Variants in NCKAP5L observed in about 807,000 individuals in gnomAD.
NCKAP5L encodes the protein NCK associated protein 5 like.
In NCKAP5L, 54 loss-of-function variants were observed where a neutral mutation model predicts 103.2. That is an observed-to-expected ratio of 0.52 (90% CI 0.42 to 0.66). NCKAP5L has a LOEUF of 0.66. Among genes scored for constraint, NCKAP5L ranks in the 30% least tolerant of loss-of-function variants. The probability of loss-of-function intolerance (pLI) is 0.00; values close to 1 mark genes in which losing one functional copy is unlikely to be tolerated. For missense variants in NCKAP5L, 1,733 were observed against 1,750.6 expected (o/e 0.99, Z 0.18); for synonymous variants, 762 against 748.6 (o/e 1.02, Z -0.29).
chr12:49,824,116 A>T (rs944564440), intron 1 of NCKAP5L, among the ~76,000 whole-genome samples: 1 of 152,120 alleles, frequency 6.6e-6, no homozygotes, highest in African/African-American at 2.4e-5. Flanking sequence ...ATGTGTCCCA[A>T]GCTCCCTCCT....
chr12:49,792,226 A>T lies in NCKAP5L; in HGVS notation c.3793-175T>A. ...TGGAGGTACAACTGAGAACAGTCCT[A>T]CAAGGTTCTGGGGAGGGACAGAAAC... is the stretch of plus-strand genomic sequence containing the variant. On this transcript the variant is annotated intron_variant, in intron 12 of 12. Coordinates refer to ENST00000335999, the MANE Select transcript of NCKAP5L (RefSeq NM_001037806.4). This position sits in a 1 kb window ranked among gnomAD's most constrained non-coding sequence, Gnocchi z 4.5. 1 of 1,106,204 alleles carries T rather than the reference A, an allele frequency of 9.0e-7. No individual in the cohort carries two copies. The highest frequency in any genetic ancestry group is 1.3e-6 in the Non-Finnish European group (1 of 757,836). The allele number at this position is 1,106,204 out of a possible 1,614,324, so 68.5% of individuals were successfully genotyped here. A position where few individuals can be genotyped will look rare whatever the true frequency, so the allele number is the denominator to read the frequency against.
chr12:49,813,638 C>T (rs1481686038), intron 1 of NCKAP5L, among the ~76,000 whole-genome samples: 2 of 152,130 alleles, frequency 1.3e-5, no homozygotes, highest in Non-Finnish European at 2.9e-5. Flanking sequence ...AGCAGTTCTC[C>T]TGTCTCAGCC....
chr12:49,802,350 G>A (rs4439592), intron 5 of NCKAP5L: 2,688 of 176,564 alleles, frequency 0.015, 95 homozygotes, highest in African/African-American at 0.06. Context: ...CTGGGTTCAA[G>A]CGATTCTCCT....
intron 8 of NCKAP5L, 113 bp downstream of exon 8, chr12:49,794,652 G>A (rs1946001440): frequency 1.2e-6 from 1 of 826,348 alleles, no homozygotes. Context: ...TTTGACCTCT[G>A]GGAAGCCCCA....
chr12:49,802,104 T>G (rs1181420865), intron 5 of NCKAP5L, 137 bp from the exon 6 acceptor site: 2 of 971,122 alleles, frequency 2.1e-6, no homozygotes, highest in African/African-American at 3.3e-5. Flanking sequence ...TGCAACCTCC[T>G]TCTATGAGGA....
Position 49,795,684 on chromosome 12 carries a change from G to T in NCKAP5L, c.2176C>A (p.Arg726=). ...LEQLEAKGGI[R]GAVALGTNSL... ...TTTGTGCCCAAGGCCACTGCCCCCC[G>T]TATCCCCCCCTTGGCTTCTAGCTGC... is the stretch of plus-strand genomic sequence containing the variant. Residue 726 remains arginine, a synonymous_variant, in exon 8 of 13, where the codon CGG becomes AGG. Coordinates refer to ENST00000335999, the MANE Select transcript of NCKAP5L (RefSeq NM_001037806.4). 2.5e-6 allele frequency: 4 copies of T among 1,611,300 alleles called. No individual in the cohort carries two copies. The highest frequency in any genetic ancestry group is 3.4e-6 in the Non-Finnish European group (4 of 1,178,876).
At position 49,795,467 on chromosome 12, in the gene NCKAP5L, G is replaced by A. The variant is rs1430259878; in HGVS notation, c.2393C>T (p.Pro798Leu). The stretch of plus-strand genomic sequence containing the variant: ...CTTGCCCAGGCTTGGGGCTGAGGTT[G>A]GCACTTTGGCAGGGGTACGGGGTAC... ...PQVPRTPAKV[P>L]TSAPSLGKPN... The change falls in exon 8 of 13, where the codon CCA (proline) becomes CTA (leucine). Residue 798 changes from proline to leucine, a missense_variant. Transcript: ENST00000335999. The A allele has an allele frequency of 6.4e-7, 1 of 1,551,428 alleles. No homozygotes were observed. The highest frequency in any genetic ancestry group is 8.7e-7 in the Non-Finnish European group (1 of 1,155,136).
At chr12:49,816,610 C>G (rs1435658069) in intron 1 of NCKAP5L, among the ~76,000 whole-genome samples, 1 of 150,786 alleles carries the variant, frequency 6.6e-6, no homozygotes, top group African/African-American at 2.4e-5. Flanking sequence ...CCAGCCTGAT[C>G]AACATGGTGA....
intron 5 of NCKAP5L, 160 bp from the exon 6 acceptor site, chr12:49,802,127 C>T (rs370615505): frequency 2.4e-5 from 18 of 763,420 alleles, no homozygotes; most frequent in Middle Eastern, 3.7e-4. Flanking sequence ...CTAAGCCTGC[C>T]GATGTTGGTA....
chr12:49,821,418 A>G (rs67453698), intron 1 of NCKAP5L, among the ~76,000 whole-genome samples: 5,769 of 152,308 alleles, frequency 0.038, 269 homozygotes, highest in East Asian at 0.14. Context: ...TCTTGGACAC[A>G]ATAAAACTCA....
intron 1 of NCKAP5L, among the ~76,000 whole-genome samples, chr12:49,809,181 G>A (rs530653275): frequency 2.8e-4 from 43 of 152,288 alleles, no homozygotes; most frequent in Non-Finnish European, 5.6e-4. Context: ...CCCCCTTAAA[G>A]CCAGGAGGGG....
In NCKAP5L at chr12:49,802,149, T is replaced by C. The variant is rs895304053; in HGVS notation, c.232-182A>G. ...TGCCGATGTTGGTAGCTATAGCATC[T>C]TCTAGGGATGGTAAATTCTCTAAAG... On this transcript the variant is annotated intron_variant, in intron 5 of 12. Coordinates refer to ENST00000335999, the MANE Select transcript of NCKAP5L (RefSeq NM_001037806.4). 6 of 615,548 alleles carry C rather than the reference T, an allele frequency of 9.7e-6. No individual in the cohort carries two copies. The African/African-American group carries it at 1.1e-4, about 11-fold the overall frequency. 38.1% of individuals were successfully genotyped at this position (615,548 alleles called of 1,614,324 possible). A position where few individuals can be genotyped will look rare whatever the true frequency, so the allele number is the denominator to read the frequency against.
intron 6 of NCKAP5L, among the ~76,000 whole-genome samples, chr12:49,800,149 C>A (rs181866086): frequency 1.3e-5 from 2 of 152,228 alleles, no homozygotes; most frequent in South Asian, 4.1e-4. Context: ...GAGCCGAGAT[C>A]GCGCCATTGC....
chr12:49,794,651 TG>T, intron 8 of NCKAP5L, 113 bp downstream of exon 8: 1 of 807,612 alleles, frequency 1.2e-6, no homozygotes, highest in Non-Finnish European at 1.7e-6. Context: ...TTTTGACCTC[TG>T]GGAAGCCCCA....
chr12:49,792,796 C>T lies in NCKAP5L; in HGVS notation c.3531G>A (p.Glu1177=), dbSNP rs775386400. The T allele has an allele frequency of 1.9e-6, 3 of 1,604,150 alleles. No homozygotes were observed. The East Asian group carries it at 6.7e-5, about 36-fold the overall frequency. Residue 1177 remains glutamate (E), a synonymous_variant, in exon 11 of 13, where the codon GAG becomes GAA. Coordinates refer to ENST00000335999, the MANE Select transcript of NCKAP5L (RefSeq NM_001037806.4). This position sits in a 1 kb window ranked among gnomAD's most constrained non-coding sequence, Gnocchi z 4.5. ...GCTCCTCTATGCCTGGCACCTCCCGCTCCAGTGTGTGGGCGCGGCGGGGGA... is the reference window on the plus strand; with the variant it reads ...GCTCCTCTATGCCTGGCACCTCCCGTTCCAGTGTGTGGGCGCGGCGGGGGA... ...TKVPRRAHTL[E]REVPGIEELL... is the part of the protein sequence containing the mutation.
At chr12:49,819,284 C>A (rs1245393182) in intron 1 of NCKAP5L, among the ~76,000 whole-genome samples, 1 of 150,880 alleles carries the variant, frequency 6.6e-6, no homozygotes, top group Non-Finnish European at 1.5e-5. Flanking sequence ...TGCACTCCAG[C>A]CTGGGCAACG....
In NCKAP5L at chr12:49,796,162, G is replaced by A; in HGVS notation, c.1698C>T (p.Thr566=). 1 of 1,610,626 alleles carries A rather than the reference G, an allele frequency of 6.2e-7. No individual in the cohort carries two copies. The highest frequency in any genetic ancestry group is 8.5e-7 in the Non-Finnish European group (1 of 1,178,670). The part of the protein sequence containing the change: ...YENILDLSRS[T]FRGPSPEPPP... ...GTGGCTCTGGGGAAGGCCCCCTAAA[G>A]GTGCTCCGAGAAAGGTCCAGAATGT... Residue 566 remains threonine, a synonymous_variant, in exon 8 of 13, where the codon ACC becomes ACT. Transcript: ENST00000335999.
Position 49,791,884 on chromosome 12 carries a change from A to G in NCKAP5L, c.3960T>C (p.Ser1320=). The change falls in exon 13 of 13, where the codon AGT becomes AGC. Residue 1320 remains serine, a synonymous_variant. Coordinates refer to ENST00000335999, the MANE Select transcript of NCKAP5L (RefSeq NM_001037806.4). The part of the protein sequence containing the change: ...PPGLETSESL[S]DSLYDSLSSC... ...AGGACAGCGAGTCGTAGAGTGAGTC[A>G]CTGAGAGACTCCGAGGTCTCCAGCC... 3 of 1,612,362 alleles carry G rather than the reference A, an allele frequency of 1.9e-6. No individual in the cohort carries two copies. Among genetic ancestry groups the G allele is most frequent in the Non-Finnish European group, 2.5e-6 (3 of 1,179,446 alleles).
chr12:49,814,972 GA>G (rs1387979423), intron 1 of NCKAP5L, among the ~76,000 whole-genome samples: 1 of 152,230 alleles, frequency 6.6e-6, no homozygotes, highest in African/African-American at 2.4e-5. Flanking sequence ...TCACTAATTA[GA>G]CTGAGGTTAT....
Sources: gnomAD v4.1 joint callset for allele counts (sites outside exome capture counted in the v4.1 genomes callset) on GRCh38, gnomAD v4.1.1 for gene constraint, Gnocchi (gnomAD v3.1) non-coding constraint, MANE v1.5 for transcripts, NCBI Gene and HGNC (gene_info 2026-07-23, HGNC 2026-07-21) for gene names.